The following LMOD2 variants were observed in gnomAD, a reference collection of about 807,000 sequenced individuals.
LMOD2 encodes leiomodin-2.
LMOD2 carries 27 observed loss-of-function variants against 41.7 expected under a neutral mutation model. The observed-to-expected ratio is 0.65, with a 90% confidence interval of 0.48 to 0.89. The LOEUF (loss-of-function observed/expected upper bound fraction) is 0.89, where lower values mean the gene tolerates loss of function less well. Ranked by LOEUF, LMOD2 falls within the 40% of genes least tolerant of loss-of-function variation. The probability of loss-of-function intolerance (pLI) is 0.00; values close to 1 mark genes in which losing one functional copy is unlikely to be tolerated. For missense variants in LMOD2, 624 were observed against 667.9 expected (o/e 0.93, Z 0.72); for synonymous variants, 251 against 244.6 (o/e 1.03, Z -0.25).
intron 1 of LMOD2, among the ~76,000 whole-genome samples, chr7:123,658,613 T>A (rs1802828369): frequency 6.6e-6 from 1 of 152,220 alleles, no homozygotes; most frequent in Non-Finnish European, 1.5e-5. Flanking sequence ...TATTGAGCAG[T>A]GGTTAAATCT....
rs945534583 is a variant in LMOD2, at chr7:123,663,799, G to C, written c.*54G>C. On this transcript the variant is annotated 3_prime_UTR_variant, in exon 3 of 3. Coordinates refer to ENST00000458573, the MANE Select transcript of LMOD2 (RefSeq NM_207163.3). ...ACTGTTCAGTGGTATTACATGAAAT[G>C]CATTGTGAGATGTTTCTAAAATACC... 1 of 1,442,798 alleles carries C rather than the reference G, an allele frequency of 6.9e-7. No homozygotes were observed. Among genetic ancestry groups the C allele is most frequent in the Non-Finnish European group, 9.5e-7 (1 of 1,051,314 alleles). 89.4% of individuals were successfully genotyped at this position (1,442,798 alleles called of 1,614,324 possible). A position where few individuals can be genotyped will look rare whatever the true frequency, so the allele number is the denominator to read the frequency against.
At position 123,662,562 on chromosome 7, in the gene LMOD2, A is replaced by G. The variant is rs1802896660; in HGVS notation, c.976A>G (p.Thr326Ala). 6 of 1,613,982 alleles carry G rather than the reference A, an allele frequency of 3.7e-6. No homozygotes were observed. Among genetic ancestry groups the G allele is most frequent in the Non-Finnish European group, 5.1e-6 (6 of 1,179,900 alleles). ...MEIVKLLKEN[T>A]TLLRLGYHFE... ...GATTGTCAAGCTGCTGAAGGAGAACACGACGCTGCTGAGGCTGGGATACCA... is the reference window on the plus strand; with the variant it reads ...GATTGTCAAGCTGCTGAAGGAGAACGCGACGCTGCTGAGGCTGGGATACCA... Residue 326 changes from threonine (T) to alanine (A), a missense_variant, in exon 2 of 3, where the codon ACG becomes GCG. Transcript: ENST00000458573. This position sits in a 1 kb window ranked among gnomAD's most constrained non-coding sequence, Gnocchi z 4.0.
chr7:123,662,398 C>T lies in LMOD2; in HGVS notation c.812C>T (p.Thr271Ile), dbSNP rs1231589552. The T allele has an allele frequency of 3.1e-6, 5 of 1,613,848 alleles. No homozygotes were observed. Among genetic ancestry groups the T allele is most frequent in the East Asian group, 4.5e-5 (2 of 44,876 alleles). Residue 271 changes from threonine (T) to isoleucine (I), a missense_variant, in exon 2 of 3, where the codon ACC becomes ATC. Coordinates refer to ENST00000458573, the MANE Select transcript of LMOD2 (RefSeq NM_207163.3). The surrounding 1 kb of genome is among the most constrained non-coding windows in gnomAD (Gnocchi z 4.0). ...ATGCTCAAAGTCAATGAGCACATCA[C>T]CAACGTAAACGTCGAGTCCAACTTC... ...AEMLKVNEHI[T>I]NVNVESNFIT...
At position 123,656,250 on chromosome 7, in the gene LMOD2, A is replaced by C. The variant is rs1802785633; in HGVS notation, c.273+14A>C. ...GAATGTGGAAAGGTAGGCTCTCGGG[A>C]CTTTTCCTTGGCTAACCCCACCTCC... On this transcript the variant is annotated intron_variant, in intron 1 of 2. Transcript: ENST00000458573. 6.3e-7 allele frequency: 1 copy of C among 1,593,706 alleles called. No homozygotes were observed. Among genetic ancestry groups the C allele is most frequent in the African/African-American group, 1.3e-5 (1 of 74,478 alleles).
At position 123,662,846 on chromosome 7, in the gene LMOD2, A is replaced by ACCT. The variant is rs763630190; in HGVS notation, c.1272_1274dup (p.Pro433dup). ...GCCGTCCTCTGTCTCCTGTGGCCAC[A>ACCT]CCTCCTCCTCCTCCCCCTCCTCCTC... On this transcript the variant is annotated inframe_insertion, in exon 2 of 3. Coordinates refer to ENST00000458573, the MANE Select transcript of LMOD2 (RefSeq NM_207163.3). The surrounding 1 kb of genome is among the most constrained non-coding windows in gnomAD (Gnocchi z 4.0). The ACCT allele has an allele frequency of 8.9e-6, 14 of 1,579,092 alleles. No individual in the cohort carries two copies. Among genetic ancestry groups the ACCT allele is most frequent in the East Asian group, 6.9e-5 (3 of 43,608 alleles).
intron 1 of LMOD2, 31 bp downstream of exon 1, chr7:123,656,267 C>G: frequency 1.3e-6 from 2 of 1,567,866 alleles, no homozygotes; most frequent in Non-Finnish European, 1.7e-6. Flanking sequence ...CTTGGCTAAC[C>G]CCACCTCCCC....
At chr7:123,658,609 G>A (rs1226662554) in intron 1 of LMOD2, among the ~76,000 whole-genome samples, 2 of 152,198 alleles carry the variant, frequency 1.3e-5, no homozygotes, top group Admixed American at 6.5e-5. Flanking sequence ...CCCCTATTGA[G>A]CAGTGGTTAA....
At chr7:123,660,286 TTCTC>T (rs139356346) in intron 1 of LMOD2, among the ~76,000 whole-genome samples, 17,147 of 123,740 alleles carry the variant, frequency 0.14, 1,152 homozygotes, top group East Asian at 0.23. Flanking sequence ...TTCTCTCTCT[TTCTC>T]TCTCTCTCTC....
chr7:123,662,854 C>T lies in LMOD2; in HGVS notation c.1268C>T (p.Pro423Leu). ...CTGTCTCCTGTGGCCACACCTCCTC[C>T]TCCTCCCCCTCCTCCTCCTCCTCCC... ...RPLSPVATPP[P>L]PPPPPPPPPP... Residue 423 changes from proline to leucine, a missense_variant, in exon 2 of 3, where the codon CCT becomes CTT. Transcript: ENST00000458573. This position sits in a 1 kb window ranked among gnomAD's most constrained non-coding sequence, Gnocchi z 4.0. 6.3e-7 allele frequency: 1 copy of T among 1,584,322 alleles called. No individual in the cohort carries two copies. Among genetic ancestry groups the T allele is most frequent in the Non-Finnish European group, 8.6e-7 (1 of 1,166,240 alleles).
At position 123,656,251 on chromosome 7, in the gene LMOD2, CTT is replaced by C; in HGVS notation, c.273+18_273+19del. ...AATGTGGAAAGGTAGGCTCTCGGGA[CTT>C]TTCCTTGGCTAACCCCACCTCCCCA... On this transcript the variant is annotated intron_variant, in intron 1 of 2. Coordinates refer to ENST00000458573, the MANE Select transcript of LMOD2 (RefSeq NM_207163.3). 1 of 1,593,374 alleles carries C rather than the reference CTT, an allele frequency of 6.3e-7. No homozygotes were observed. Among genetic ancestry groups the C allele is most frequent in the East Asian group, 2.3e-5 (1 of 44,146 alleles).
intron 1 of LMOD2, among the ~76,000 whole-genome samples, chr7:123,661,519 G>A (rs1021383528): frequency 4.6e-5 from 7 of 152,120 alleles, no homozygotes; most frequent in South Asian, 4.2e-4. Flanking sequence ...AGTAAGAGTC[G>A]GTCCTCAGGA....
At chr7:123,660,068 G>T (rs1441678325) in intron 1 of LMOD2, among the ~76,000 whole-genome samples, 1 of 152,024 alleles carries the variant, frequency 6.6e-6, no homozygotes, top group Non-Finnish European at 1.5e-5. Flanking sequence ...AGCTTTACAG[G>T]GACTAGAATT....
Position 123,656,155 on chromosome 7 carries a change from C to T in LMOD2, c.192C>T (p.Phe64=). ...CAGAGAAAACCCCCACAGGGACATT[C>T]AGCAGAGAGGCACTGATGGCCTATT... ...SLTEKTPTGT[F]SREALMAYWE... Residue 64 remains phenylalanine, a synonymous_variant, in exon 1 of 3, where the codon TTC becomes TTT. Transcript: ENST00000458573. 1 of 1,609,788 alleles carries T rather than the reference C, an allele frequency of 6.2e-7. No homozygotes were observed. The highest frequency in any genetic ancestry group is 8.5e-7 in the Non-Finnish European group (1 of 1,178,138).
At position 123,655,961 on chromosome 7, in the gene LMOD2, A is replaced by C; in HGVS notation, c.-3A>C. The C allele has an allele frequency of 6.2e-7, 1 of 1,601,314 alleles. No individual in the cohort carries two copies. Among genetic ancestry groups the C allele is most frequent in the Non-Finnish European group, 8.5e-7 (1 of 1,175,010 alleles). ...TCCTTCTGGGTCTGACAAAGCAGGG[A>C]CCATGTCTACCTTTGGCTACCGAAG... On this transcript the variant is annotated 5_prime_UTR_variant, in exon 1 of 3. Transcript: ENST00000458573.
Position 123,662,991 on chromosome 7 carries a change from G to A in LMOD2, c.1405G>A (p.Ala469Thr), listed in dbSNP as rs918998792. 1.9e-6 allele frequency: 3 copies of A among 1,552,588 alleles called. No homozygotes were observed. In the African/African-American group the frequency reaches 4.1e-5, roughly 21 times the overall value. ...IAEVIKQQES[A>T]QRALQNGQKK... is the part of the protein sequence containing the mutation. ...AGAAGTCATCAAACAACAGGAGAGT[G>A]CCCAACGGGCATTACAAAATGGACA... Residue 469 changes from alanine (A) to threonine (T), a missense_variant, in exon 2 of 3, where the codon GCC becomes ACC. Physicochemically the swap from Ala to Thr is moderately conservative, Grantham distance 58. Transcript: ENST00000458573. The surrounding 1 kb of genome is among the most constrained non-coding windows in gnomAD (Gnocchi z 4.0).
Position 123,663,827 on chromosome 7 carries a change from C to T in LMOD2, c.*82C>T. ...TTGTGAGATGTTTCTAAAATACCTT[C>T]TTCAATTCAAAATGATCCCTGACTT... is the stretch of plus-strand genomic sequence containing the variant. On this transcript the variant is annotated 3_prime_UTR_variant, in exon 3 of 3. Transcript: ENST00000458573. 1 of 1,137,296 alleles carries T rather than the reference C, an allele frequency of 8.8e-7. No individual in the cohort carries two copies. The highest frequency in any genetic ancestry group is 1.3e-6 in the Non-Finnish European group (1 of 791,332). 70.5% of individuals were successfully genotyped at this position (1,137,296 alleles called of 1,614,324 possible).
intron 1 of LMOD2, among the ~76,000 whole-genome samples, chr7:123,656,546 C>T (rs1458017952): frequency 6.6e-6 from 1 of 152,098 alleles, no homozygotes; most frequent in Non-Finnish European, 1.5e-5. Flanking sequence ...GTTGTTTGAG[C>T]TATATGTTGG....
At position 123,655,955 on chromosome 7, in the gene LMOD2, G is replaced by A; in HGVS notation, c.-9G>A. 1 of 1,598,338 alleles carries A rather than the reference G, an allele frequency of 6.3e-7. No individual in the cohort carries two copies. The highest frequency in any genetic ancestry group is 8.5e-7 in the Non-Finnish European group (1 of 1,173,862). On this transcript the variant is annotated 5_prime_UTR_variant, in exon 1 of 3. Transcript: ENST00000458573. ...TCAAGCTCCTTCTGGGTCTGACAAAGCAGGGACCATGTCTACCTTTGGCTA... is the reference window on the plus strand; with the variant it reads ...TCAAGCTCCTTCTGGGTCTGACAAAACAGGGACCATGTCTACCTTTGGCTA...
At chr7:123,658,341 T>A (rs1470623590) in intron 1 of LMOD2, among the ~76,000 whole-genome samples, 3 of 152,140 alleles carry the variant, frequency 2.0e-5, no homozygotes, top group Non-Finnish European at 4.4e-5. Flanking sequence ...CAAATCCAAT[T>A]CCCACAACAG....
Sources: allele counts gnomAD v4.1 joint callset (sites outside exome capture counted in the v4.1 genomes callset), GRCh38; gene constraint gnomAD v4.1.1; non-coding constraint Gnocchi (gnomAD v3.1); transcripts MANE v1.5; gene names NCBI Gene and HGNC (gene_info 2026-07-23, HGNC 2026-07-21).